Variants in RAD52 observed in about 807,000 individuals in gnomAD.
RAD52 encodes the protein RAD52 DNA repair protein, also known as DNA repair protein RAD52 homolog.
In RAD52, 47 loss-of-function variants were observed where a neutral mutation model predicts 55.5. The ratio of observed to expected loss-of-function variants is 0.85; its 90% CI spans 0.67 to 1.08. RAD52 has a LOEUF of 1.08. RAD52 is among the 50% of genes least tolerant of loss of function. The pLI, the probability that RAD52 is intolerant of heterozygous loss-of-function variation, is 0.00. For missense variants in RAD52, 468 were observed against 522.8 expected, an observed-to-expected ratio of 0.90 and a Z score of 1.02; for synonymous variants, 184 against 198.9, an observed-to-expected ratio of 0.92 and a Z score of 0.63.
At chr12:917,715 CA>C (rs35820418) in intron 7 of RAD52, among the ~76,000 whole-genome samples, 1,181 of 103,860 alleles carry the variant, frequency 0.011, 12 homozygotes, top group African/African-American at 0.037. Context: ...TACAAAAATA[CA>C]AAAAAAAAAA....
intron 3 of RAD52, 89 bp from the exon 4 acceptor site, chr12:930,233 T>C (rs1957256648): frequency 9.3e-7 from 1 of 1,070,296 alleles, no homozygotes; most frequent in African/African-American, 1.6e-5. Context: ...TTATTCCTCA[T>C]CTACTTTTTT....
upstream of RAD52, chr12:949,781 A>C (rs943048018): frequency 6.6e-6 from 1 of 150,848 alleles, no homozygotes; most frequent in Non-Finnish European, 1.5e-5. Context: ...AGACCAGAGA[A>C]GGAACCGTAA....
rs1298509470 is a variant in RAD52 at position 931,146 on chromosome 12, CAG to C, written c.186+72_186+73del. 3 of 1,242,094 alleles carry C rather than the reference CAG, an allele frequency of 2.4e-6. No individual in the cohort carries two copies. In the African/African-American group the frequency reaches 4.5e-5, roughly 18 times the overall value. 76.9% of individuals were successfully genotyped at this position (1,242,094 alleles called of 1,614,324 possible). A position where few individuals can be genotyped will look rare whatever the true frequency, so the allele number is the denominator to read the frequency against. On this transcript the variant is annotated intron_variant, in intron 3 of 11. Transcript: ENST00000358495. ...GCAGACTTCCGAATCCCTGAGGACC[CAG>C]AGAGGGAACTGGCAAGACCATCGGA...
At position 912,759 on chromosome 12, in the gene RAD52, T is replaced by A. The variant is rs1305215590; in HGVS notation, c.*632A>T. 1 of 160,512 alleles carries A rather than the reference T, an allele frequency of 6.2e-6. No homozygotes were observed. Among genetic ancestry groups the A allele is most frequent in the Non-Finnish European group, 1.3e-5 (1 of 76,182 alleles). 9.9% of individuals were successfully genotyped at this position (160,512 alleles called of 1,614,324 possible). On this transcript the variant is annotated 3_prime_UTR_variant, in exon 12 of 12. Transcript: ENST00000358495. ...AAAAAAAAAAAACAAAAAACAGCCT[T>A]TTTTCGTGGTCTTAGATGATTATTT...
chr12:954,779 G>C (rs1463870720), intron 1 of RAD52, among the ~76,000 whole-genome samples: 2 of 152,136 alleles, frequency 1.3e-5, no homozygotes, highest in African/African-American at 2.4e-5. Flanking sequence ...ATTAAGCCTT[G>C]ATAGAGTACT....
intron 6 of RAD52, 28 bp downstream of exon 6, chr12:927,117 C>T: frequency 6.3e-7 from 1 of 1,594,376 alleles, no homozygotes; most frequent in Non-Finnish European, 8.6e-7. Flanking sequence ...TGAAATGACG[C>T]AGGTTAGACT....
At chr12:931,398 A>ACCC in intron 2 of RAD52, 77 bp from the exon 3 acceptor site, 1 of 1,095,680 alleles carries the variant, frequency 9.1e-7, no homozygotes, top group Non-Finnish European at 1.3e-6. Flanking sequence ...CTTTATGGAG[A>ACCC]CTTTATACTC....
At chr12:943,595 C>A (rs7305042) in intron 1 of RAD52, among the ~76,000 whole-genome samples, 36,796 of 151,988 alleles carry the variant, frequency 0.24, 4,530 homozygotes, top group Middle Eastern at 0.32. Flanking sequence ...GTGATCCCCC[C>A]GCCTCGGCCT....
intron 1 of RAD52, among the ~76,000 whole-genome samples, chr12:985,219 C>T (rs1959071628): frequency 6.6e-6 from 1 of 152,234 alleles, no homozygotes; most frequent in Non-Finnish European, 1.5e-5. Flanking sequence ...TGGTTCACCA[C>T]AGCCTTGATC....
intron 7 of RAD52, among the ~76,000 whole-genome samples, chr12:923,914 G>A (rs1474795672): frequency 6.6e-6 from 1 of 151,420 alleles, no homozygotes; most frequent in African/African-American, 2.4e-5. Context: ...AAATTAGCTG[G>A]GCATGGTGGT....
chr12:960,711 C>T (rs1466047302), intron 1 of RAD52, among the ~76,000 whole-genome samples: 1 of 152,250 alleles, frequency 6.6e-6, no homozygotes, highest in Non-Finnish European at 1.5e-5. Flanking sequence ...AGCGATGCCC[C>T]CCTTCTTAGC....
At chr12:918,327 T>A (rs779001416) in intron 7 of RAD52, among the ~76,000 whole-genome samples, 3 of 152,216 alleles carry the variant, frequency 2.0e-5, no homozygotes, top group Non-Finnish European at 4.4e-5. Flanking sequence ...TCAAGTAAGA[T>A]ACAAAGAGTT....
chr12:942,896 T>C (rs1311916509), intron 1 of RAD52, among the ~76,000 whole-genome samples: 1 of 152,106 alleles, frequency 6.6e-6, no homozygotes. Context: ...CTTCTGTTCA[T>C]CAGACAACTC....
rs1957246361 is a variant in RAD52, at chr12:930,044, T to G, written c.280+7A>C. On this transcript the variant is annotated splice_region_variant and intron_variant, in intron 4 of 11. Coordinates refer to ENST00000358495, the MANE Select transcript of RAD52 (RefSeq NM_134424.4). ...CAGAAGTCCCCACTGCTGGAGAGCATACTCACCCACATTCTGCTGCGTGAT... is the reference window on the plus strand; with the variant it reads ...CAGAAGTCCCCACTGCTGGAGAGCAGACTCACCCACATTCTGCTGCGTGAT... 6.2e-7 allele frequency: 1 copy of G among 1,611,860 alleles called. No individual in the cohort carries two copies. Among genetic ancestry groups the G allele is most frequent in the Non-Finnish European group, 8.5e-7 (1 of 1,178,026 alleles).
intron 7 of RAD52, among the ~76,000 whole-genome samples, chr12:924,124 C>T (rs1422836389): frequency 7.3e-6 from 1 of 136,508 alleles, no homozygotes; most frequent in African/African-American, 2.7e-5. Context: ...AAATGCCTAA[C>T]AAAGGCCGGG....
intron 1 of RAD52, among the ~76,000 whole-genome samples, chr12:988,410 A>C (rs1959115824): frequency 6.6e-6 from 1 of 152,096 alleles, no homozygotes; most frequent in African/African-American, 2.4e-5. Context: ...TTAAATACCT[A>C]ATAACACTTA....
chr12:990,893 C>T (rs982351801), upstream of RAD52, among the ~76,000 whole-genome samples: 1 of 151,944 alleles, frequency 6.6e-6, no homozygotes, highest in Non-Finnish European at 1.5e-5. Context: ...CCTGCGCTCG[C>T]GGAGCCGACC....
chr12:942,616 G>A (rs565023492), intron 1 of RAD52, among the ~76,000 whole-genome samples: 2 of 151,956 alleles, frequency 1.3e-5, no homozygotes, highest in African/African-American at 2.4e-5. Context: ...GCATGGTGGC[G>A]CATGTCTGTA....
chr12:924,846 C>T (rs1956936547), intron 7 of RAD52, among the ~76,000 whole-genome samples: 1 of 152,066 alleles, frequency 6.6e-6, no homozygotes, highest in South Asian at 2.1e-4. Context: ...CTGCAGAGGG[C>T]TGTGTGCTTG....
Sources: allele counts gnomAD v4.1 joint callset (sites outside exome capture counted in the v4.1 genomes callset), GRCh38; gene constraint gnomAD v4.1.1; transcripts MANE v1.5; gene names NCBI Gene and HGNC (gene_info 2026-07-23, HGNC 2026-07-21).